Variants in CROT observed in about 807,000 individuals in gnomAD.
CROT encodes peroxisomal carnitine O-octanoyltransferase.
In CROT, 84 loss-of-function variants were observed where a neutral mutation model predicts 89.2. The observed-to-expected ratio is 0.94, with a 90% CI of 0.79 to 1.13. CROT has a LOEUF of 1.13. CROT is among the 50% of genes most tolerant of loss of function. The pLI, the probability that CROT is intolerant of heterozygous loss-of-function variation, is 0.00. For missense variants in CROT, 711 were observed against 727.8 expected (o/e 0.98, Z 0.27); for synonymous variants, 212 against 239.5 (o/e 0.89, Z 1.06).
chr7:87,364,229 C>A (rs945485461), intron 6 of CROT, among the ~76,000 whole-genome samples: 2 of 152,152 alleles, frequency 1.3e-5, no homozygotes, highest in Non-Finnish European at 2.9e-5. Flanking sequence ...AACTGTAAAT[C>A]CATAACAGTA....
chr7:87,382,015 A>G (rs1205061153), intron 11 of CROT, 22 bp downstream of exon 11: 16 of 1,587,840 alleles, frequency 1.0e-5, no homozygotes, highest in Non-Finnish European at 1.4e-5. Flanking sequence ...TAAATATTTC[A>G]TCTTTTTTCT....
At chr7:87,368,187 C>T (rs141231379) in intron 6 of CROT, among the ~76,000 whole-genome samples, 24 of 152,272 alleles carry the variant, frequency 1.6e-4, no homozygotes, top group African/African-American at 4.8e-4. Context: ...AACACTTCTG[C>T]GGGTATTTAC....
chr7:87,345,681 T>G lies in CROT; in HGVS notation c.-199T>G, dbSNP rs1173949281. Reference sequence around the variant, plus strand: ...CGGCCTTCAGTCCAATTCCCGCACCTTTGAGGCCCAAGGGGGAGCGAGCCG... The same window carrying G: ...CGGCCTTCAGTCCAATTCCCGCACCGTTGAGGCCCAAGGGGGAGCGAGCCG... On this transcript the variant is annotated 5_prime_UTR_variant, in exon 1 of 18. Coordinates refer to ENST00000331536, the MANE Select transcript of CROT (RefSeq NM_021151.4). The G allele has an allele frequency of 2.6e-6, 1 of 381,758 alleles. No individual in the cohort carries two copies. The highest frequency in any genetic ancestry group is 4.6e-6 in the Non-Finnish European group (1 of 215,908). The allele number at this position is 381,758 out of a possible 1,614,324, so 23.6% of individuals were successfully genotyped here.
At chr7:87,358,497 A>G (rs1042068454) in intron 3 of CROT, among the ~76,000 whole-genome samples, 37 of 149,580 alleles carry the variant, frequency 2.5e-4, no homozygotes, top group African/African-American at 8.8e-4. Context: ...AAAAAAAAAA[A>G]AAAGAAAAGA....
chr7:87,359,417 A>T, intron 4 of CROT, 87 bp downstream of exon 4: 2 of 1,493,272 alleles, frequency 1.3e-6, no homozygotes, highest in Non-Finnish European at 1.8e-6. Context: ...TTATTGCTGT[A>T]AAAATTTTTA....
intron 3 of CROT, chr7:87,354,517 A>C (rs539204840): frequency 4.4e-5 from 19 of 433,144 alleles, no homozygotes; most frequent in Non-Finnish European, 8.4e-5. Flanking sequence ...TAAAAGCCAA[A>C]AGTACAGAAT....
chr7:87,371,634 G>T (rs1806634282), intron 7 of CROT, among the ~76,000 whole-genome samples: 2 of 152,092 alleles, frequency 1.3e-5, no homozygotes, highest in South Asian at 2.1e-4. Context: ...TTTTCTGCCA[G>T]TATTATGTGA....
chr7:87,380,630 A>G (rs1473070229), intron 10 of CROT, among the ~76,000 whole-genome samples: 1 of 152,226 alleles, frequency 6.6e-6, no homozygotes, highest in East Asian at 1.9e-4. Flanking sequence ...ATGTGAACAA[A>G]TAAAGCATCA....
intron 7 of CROT, among the ~76,000 whole-genome samples, chr7:87,370,381 C>T (rs1806594290): frequency 6.6e-6 from 1 of 152,056 alleles, no homozygotes; most frequent in South Asian, 2.1e-4. Context: ...TGAGGTTTTG[C>T]CGTGTTGGCC....
chr7:87,366,783 G>A (rs74528227), intron 6 of CROT, among the ~76,000 whole-genome samples: 1,758 of 152,152 alleles, frequency 0.012, 35 homozygotes, highest in African/African-American at 0.04. Context: ...AATTTAATTT[G>A]TCTTTTCTCT....
Position 87,375,970 on chromosome 7 carries a change from TC to T in CROT, c.876+18del. ...TATTCTGAGGTACTTAACTACCTTCTCTTTTTTTTTTTATTGCAGATTTTTC... is the reference window on the plus strand; with the variant it reads ...TATTCTGAGGTACTTAACTACCTTCTTTTTTTTTTTTATTGCAGATTTTTC... On this transcript the variant is annotated intron_variant, in intron 9 of 17. Coordinates refer to ENST00000331536, the MANE Select transcript of CROT (RefSeq NM_021151.4). 1.4e-6 allele frequency: 2 copies of T among 1,454,250 alleles called. No homozygotes were observed. The highest frequency in any genetic ancestry group is 2.5e-5 in the East Asian group (1 of 40,156). The allele number at this position is 1,454,250 out of a possible 1,614,324, so 90.1% of individuals were successfully genotyped here.
At chr7:87,375,587 T>C (rs1255872778) in intron 7 of CROT, 45 bp from the exon 8 acceptor site, 3 of 1,449,810 alleles carry the variant, frequency 2.1e-6, no homozygotes, top group African/African-American at 2.8e-5. Context: ...AAGTAGTTAC[T>C]TTCTGCCTGT....
intron 10 of CROT, 27 bp downstream of exon 10, chr7:87,377,477 T>A: frequency 7.5e-7 from 1 of 1,326,226 alleles, no homozygotes; most frequent in Non-Finnish European, 1.1e-6. Context: ...AATTTTTCTC[T>A]TTTGATCTTT....
intron 14 of CROT, 47 bp downstream of exon 14, chr7:87,391,759 C>G (rs995170412): frequency 7.0e-6 from 11 of 1,577,306 alleles, no homozygotes; most frequent in Non-Finnish European, 9.4e-6. Context: ...TTTAATTGTT[C>G]TAAAGGAACC....
chr7:87,354,392 T>C (rs1242936080), intron 3 of CROT: 2 of 518,632 alleles, frequency 3.9e-6, no homozygotes, highest in African/African-American at 3.9e-5. Flanking sequence ...AAAAAGTGCT[T>C]GGATTTAACT....
intron 16 of CROT, 49 bp from the exon 17 acceptor site, chr7:87,392,899 T>C: frequency 6.2e-7 from 1 of 1,612,064 alleles, no homozygotes; most frequent in Non-Finnish European, 8.5e-7. Flanking sequence ...TTAGAAACAA[T>C]ATAAGCATCT....
chr7:87,372,005 A>AC (rs1156250552), intron 7 of CROT, among the ~76,000 whole-genome samples: 1 of 106,830 alleles, frequency 9.4e-6, no homozygotes, highest in African/African-American at 3.1e-5. Context: ...AAAAAAAAAA[A>AC]ACAAAAAAAA....
At chr7:87,351,958 G>T (rs530355504) in intron 3 of CROT, among the ~76,000 whole-genome samples, 7 of 152,320 alleles carry the variant, frequency 4.6e-5, no homozygotes, top group African/African-American at 1.7e-4. Context: ...CTTAACCCTT[G>T]CCTTACGTGA....
rs802027 is a variant in CROT, at chr7:87,360,616, C to T, written c.241-774C>T. The stretch of plus-strand genomic sequence containing the variant: ...TCCGCCTCCCAAAGTGCTGGGATTA[C>T]AGGTGTGAGCCACTATGCCCAGCCA... On this transcript the variant is annotated intron_variant, in intron 4 of 17. Coordinates refer to ENST00000331536, the MANE Select transcript of CROT (RefSeq NM_021151.4). Among the ~76,000 whole-genome samples the T allele has an allele frequency of 8.6e-3, 1,308 of 152,140 alleles. 30 individuals are homozygous for T. The highest frequency in any genetic ancestry group is 0.03 in the African/African-American group (1,232 of 41,486).
Sources: allele counts gnomAD v4.1 joint callset (sites outside exome capture counted in the v4.1 genomes callset), GRCh38; gene constraint gnomAD v4.1.1; transcripts MANE v1.5; gene names NCBI Gene and HGNC (gene_info 2026-07-23, HGNC 2026-07-21).